ILDR1: variants seen among roughly 807,000 people sequenced by gnomAD.
ILDR1 encodes immunoglobulin like domain containing receptor 1.
Under a neutral mutation model 62.4 loss-of-function variants are expected in ILDR1, and 56 were observed. That is an observed-to-expected ratio of 0.90 (90% CI 0.72 to 1.12). ILDR1 has a LOEUF of 1.12. Ranked by LOEUF, ILDR1 falls within the 50% of genes most tolerant of loss-of-function variation. The pLI is 0.00. For missense variants in ILDR1, 736 were observed against 710.6 expected (o/e 1.04, Z -0.41); for synonymous variants, 284 against 277.8 (o/e 1.02, Z -0.22).
chr3:122,031,506 G>T, the ILDR1 span, among the ~76,000 whole-genome samples: 4 of 152,088 alleles, frequency 2.6e-5, no homozygotes, highest in Non-Finnish European at 5.9e-5. Context: ...ATATTTCTGT[G>T]CCCCCAAATT....
At chr3:122,028,335 CAAAAAAAA>C in the ILDR1 span, among the ~76,000 whole-genome samples, 1 of 95,510 alleles carries the variant, frequency 1.0e-5, no homozygotes. Context: ...GACTCCATCT[CAAAAAAAA>C]AAAAAAAAAA....
the ILDR1 span, among the ~76,000 whole-genome samples, chr3:122,043,197 C>G: frequency 0.028 from 4,041 of 142,184 alleles, 176 homozygotes; most frequent in African/African-American, 0.1. Flanking sequence ...GCTTGTTTTT[C>G]TCAGGTTTGT....
At chr3:121,991,605 G>A (rs963002367) in intron 7 of ILDR1, among the ~76,000 whole-genome samples, 1 of 152,216 alleles carries the variant, frequency 6.6e-6, no homozygotes, top group African/African-American at 2.4e-5. Context: ...ACTCAGTACC[G>A]CTTAGCAAGG....
the ILDR1 span, among the ~76,000 whole-genome samples, chr3:122,053,435 A>G: frequency 3.3e-5 from 5 of 152,300 alleles, no homozygotes; most frequent in Non-Finnish European, 5.9e-5. Context: ...ACTAATAAAT[A>G]CTAAAAACTC....
At chr3:122,022,517 G>C (rs1164821040), upstream of ILDR1, among the ~76,000 whole-genome samples, 1 of 152,120 alleles carries the variant, frequency 6.6e-6, no homozygotes, top group African/African-American at 2.4e-5. Flanking sequence ...TGTTTCCTGC[G>C]TTATATTTCC....
chr3:122,026,284 G>A (rs1048921688), upstream of ILDR1, among the ~76,000 whole-genome samples: 2 of 152,204 alleles, frequency 1.3e-5, no homozygotes, highest in African/African-American at 4.8e-5. Flanking sequence ...GAAAGACAGG[G>A]AGACTAGTTA....
Position 122,022,239 on chromosome 3 carries a change from G to T in ILDR1, c.-162C>A. The T allele has an allele frequency of 1.7e-6, 1 of 590,930 alleles. No homozygotes were observed. Among genetic ancestry groups the T allele is most frequent in the Non-Finnish European group, 2.8e-6 (1 of 352,618 alleles). 36.6% of individuals were successfully genotyped at this position (590,930 alleles called of 1,614,324 possible). On this transcript the variant is annotated 5_prime_UTR_variant, in exon 1 of 8. Transcript: ENST00000344209. ...AGCGTCCGCTCTGGTCCCGGGGCAG[G>T]TGCCGCCCGGCTCGTCCCCACCTGC...
intron 1 of ILDR1, among the ~76,000 whole-genome samples, chr3:122,021,136 G>C (rs1441484964): frequency 1.3e-5 from 2 of 152,178 alleles, no homozygotes; most frequent in Non-Finnish European, 2.9e-5. Context: ...TGACAACTTA[G>C]AGGTAAGAGG....
At chr3:122,044,906 T>C in the ILDR1 span, among the ~76,000 whole-genome samples, 4 of 149,482 alleles carry the variant, frequency 2.7e-5, no homozygotes, top group East Asian at 2.0e-4. Flanking sequence ...GTTTTTTGTG[T>C]CTCTATTTCC....
At chr3:122,013,625 A>G (rs1442889258) in intron 1 of ILDR1, among the ~76,000 whole-genome samples, 2 of 152,146 alleles carry the variant, frequency 1.3e-5, no homozygotes, top group African/African-American at 2.4e-5. Flanking sequence ...CAAGGAGAAG[A>G]GGGACTAGCT....
chr3:122,018,967 C>G (rs748530822), intron 1 of ILDR1, among the ~76,000 whole-genome samples: 1 of 152,186 alleles, frequency 6.6e-6, no homozygotes, highest in Non-Finnish European at 1.5e-5. Context: ...TAAGGATATT[C>G]TTACTTAGGG....
At chr3:122,035,937 G>C in the ILDR1 span, among the ~76,000 whole-genome samples, 1 of 152,228 alleles carries the variant, frequency 6.6e-6, no homozygotes, top group Non-Finnish European at 1.5e-5. Flanking sequence ...CTCAGAAGAA[G>C]ATAGGAAGAT....
chr3:122,032,728 A>C, the ILDR1 span, among the ~76,000 whole-genome samples: 5 of 152,244 alleles, frequency 3.3e-5, no homozygotes, highest in Admixed American at 3.3e-4. Context: ...GTCATTTGCC[A>C]TGTCATGAGA....
At chr3:122,015,011 T>C (rs186918518) in intron 1 of ILDR1, among the ~76,000 whole-genome samples, 102 of 152,262 alleles carry the variant, frequency 6.7e-4, no homozygotes, top group Admixed American at 4.0e-3. Context: ...TCTGAGCCAG[T>C]CATTAGTAGA....
the ILDR1 span, among the ~76,000 whole-genome samples, chr3:122,054,197 T>C: frequency 6.6e-6 from 1 of 152,214 alleles, no homozygotes; most frequent in Non-Finnish European, 1.5e-5. Context: ...TTCTAATAAG[T>C]TTTTCTTATT....
intron 5 of ILDR1, 70 bp downstream of exon 5, chr3:122,001,238 T>C: frequency 6.4e-7 from 1 of 1,565,238 alleles, no homozygotes; most frequent in Non-Finnish European, 8.8e-7. Context: ...GACCTGGCAC[T>C]TGAAGCTGAT....
chr3:122,018,980 C>G (rs190017280), intron 1 of ILDR1, among the ~76,000 whole-genome samples: 2 of 152,124 alleles, frequency 1.3e-5, no homozygotes, highest in East Asian at 1.9e-4. Context: ...ACTTAGGGGT[C>G]GGTTGTCTGA....
At chr3:122,039,121 TATAAC>T in the ILDR1 span, among the ~76,000 whole-genome samples, 4 of 150,364 alleles carry the variant, frequency 2.7e-5, no homozygotes. Context: ...CATCAAGTGA[TATAAC>T]ATACACGTAC....
intron 1 of ILDR1, among the ~76,000 whole-genome samples, chr3:122,011,677 T>TCCCACACACACACACACACACACACACA (rs1553745466): frequency 7.5e-6 from 1 of 133,138 alleles, no homozygotes; most frequent in Non-Finnish European, 1.6e-5. Context: ...TCTCTCTCTT[T>TCCCACACACACACACACACACACACACA]CACACACACA....
Sources: gnomAD v4.1 joint callset for allele counts (sites outside exome capture counted in the v4.1 genomes callset) on GRCh38, gnomAD v4.1.1 for gene constraint, MANE v1.5 for transcripts, NCBI Gene and HGNC (gene_info 2026-07-23, HGNC 2026-07-21) for gene names.